Variants in MFAP5 observed in about 807,000 individuals in gnomAD.
The protein encoded by MFAP5 is microfibril associated protein 5, also known as microfibrillar-associated protein 5.
A neutral mutation model predicts 30.1 loss-of-function variants in MFAP5; 19 were observed. The ratio of observed to expected loss-of-function variants is 0.63; its 90% CI spans 0.44 to 0.93. The LOEUF (loss-of-function observed/expected upper bound fraction) is 0.93, where lower values mean the gene tolerates loss of function less well. MFAP5 is among the 40% of genes least tolerant of loss of function. The pLI is 0.00. For missense variants in MFAP5, 210 were observed against 221.3 expected, an observed-to-expected ratio of 0.95 and a Z score of 0.32; for synonymous variants, 92 against 72.9, an observed-to-expected ratio of 1.26 and a Z score of -1.33.
intron 2 of MFAP5, 68 bp from the exon 3 acceptor site, chr12:8,660,966 A>G: frequency 7.7e-7 from 1 of 1,306,980 alleles, no homozygotes; most frequent in South Asian, 1.3e-5. Context: ...CTTTTATGAG[A>G]CAAATCAGAA....
intron 3 of MFAP5, among the ~76,000 whole-genome samples, chr12:8,657,573 T>TC (rs1446121744): frequency 6.9e-6 from 1 of 145,928 alleles, no homozygotes; most frequent in Non-Finnish European, 1.5e-5. Flanking sequence ...TGACTTTTTT[T>TC]TTTTTTTTTT....
At position 8,647,103 on chromosome 12, in the gene MFAP5, C is replaced by G. The variant is rs745517694; in HGVS notation, c.*988G>C. ...TCACTCTTTCGTATTAACTATTAGG[C>G]AAACTTTCTGTCTGCCTATTAAAAT... is the stretch of plus-strand genomic sequence containing the variant. On this transcript the variant is annotated 3_prime_UTR_variant, in exon 10 of 10. Transcript: ENST00000359478. 1 of 152,160 alleles carries G rather than the reference C, an allele frequency of 6.6e-6. No homozygotes were observed. Among genetic ancestry groups the G allele is most frequent in the African/African-American group, 2.4e-5 (1 of 41,452 alleles). The allele number at this position is 152,160 out of a possible 1,614,324, so 9.4% of individuals were successfully genotyped here. A position where few individuals can be genotyped will look rare whatever the true frequency, so the allele number is the denominator to read the frequency against.
intron 9 of MFAP5, chr12:8,648,432 C>T: frequency 1.0e-6 from 1 of 1,001,298 alleles, no homozygotes; most frequent in Non-Finnish European, 1.4e-6. Flanking sequence ...AATTAAAATA[C>T]CTACCTCAAC....
chr12:8,651,849 A>G lies in MFAP5; in HGVS notation c.218-158T>C, dbSNP rs181000685. On this transcript the variant is annotated intron_variant, in intron 6 of 9. Coordinates refer to ENST00000359478, the MANE Select transcript of MFAP5 (RefSeq NM_003480.4). ...AACTTCTAAAAGAAAACCCTTATTG[A>G]GCTGATTTGCTCCACAAAATTGAAG... The G allele has an allele frequency of 2.1e-5, 14 of 656,198 alleles. No individual in the cohort carries two copies. The East Asian group carries it at 3.8e-4, about 18-fold the overall frequency. 40.6% of individuals were successfully genotyped at this position (656,198 alleles called of 1,614,324 possible). A position where few individuals can be genotyped will look rare whatever the true frequency, so the allele number is the denominator to read the frequency against.
rs765045633 is a variant in MFAP5, at chr12:8,659,318, A to T, written c.94+1545T>A. 2.3e-3 allele frequency among the ~76,000 whole-genome samples: 342 copies of T among 151,926 alleles called. 2 individuals carry two copies. Among genetic ancestry groups the T allele is most frequent in the African/African-American group, 7.6e-3 (316 of 41,438 alleles). The stretch of plus-strand genomic sequence containing the variant: ...AGCGAAACTCTGTCTCGAAAAAAAA[A>T]AAAAATAAAAGGGTCTCACTATATT... On this transcript the variant is annotated intron_variant, in intron 3 of 9. Coordinates refer to ENST00000359478, the MANE Select transcript of MFAP5 (RefSeq NM_003480.4).
intron 6 of MFAP5, among the ~76,000 whole-genome samples, chr12:8,653,253 C>G (rs890726066): frequency 2.6e-5 from 4 of 151,964 alleles, no homozygotes; most frequent in Non-Finnish European, 5.9e-5. Context: ...AATCCCCTCT[C>G]CCTTATAGCT....
intron 7 of MFAP5, 141 bp from the exon 8 acceptor site, chr12:8,650,730 C>T (rs1941815119): frequency 1.4e-6 from 1 of 717,692 alleles, no homozygotes; most frequent in Non-Finnish European, 2.3e-6. Context: ...AATTGGGCTA[C>T]ATCCTTTCCG....
At position 8,662,145 on chromosome 12, in the gene MFAP5, A is replaced by C. The variant is rs139121743; in HGVS notation, c.-2-39T>G. Reference sequence around the variant, plus strand: ...GGGCATAGCAGAGAATGTGATGCTCAGAGGCACATCAGCATTTCAGTGCCA... The same window carrying C: ...GGGCATAGCAGAGAATGTGATGCTCCGAGGCACATCAGCATTTCAGTGCCA... On this transcript the variant is annotated intron_variant, in intron 1 of 9. Coordinates refer to ENST00000359478, the MANE Select transcript of MFAP5 (RefSeq NM_003480.4). 8.7e-5 allele frequency: 137 copies of C among 1,572,500 alleles called. No homozygotes were observed. The East Asian group carries it at 3.1e-3, about 35-fold the overall frequency.
At chr12:8,654,682 G>C (rs1195560361) in intron 5 of MFAP5, among the ~76,000 whole-genome samples, 4 of 151,948 alleles carry the variant, frequency 2.6e-5, no homozygotes, top group Non-Finnish European at 5.9e-5. Flanking sequence ...GCAGTGGCTC[G>C]CACCTGTAAT....
intron 3 of MFAP5, among the ~76,000 whole-genome samples, chr12:8,659,253 A>G (rs1238526568): frequency 2.0e-5 from 3 of 151,646 alleles, no homozygotes; most frequent in Non-Finnish European, 4.4e-5. Context: ...GGTTGCAGTG[A>G]GCCGAGATCG....
intron 3 of MFAP5, among the ~76,000 whole-genome samples, chr12:8,657,412 C>T (rs1942032308): frequency 6.6e-6 from 1 of 151,364 alleles, no homozygotes; most frequent in Non-Finnish European, 1.5e-5. Flanking sequence ...AGAGAGAAAC[C>T]CTATCTCAAA....
intron 6 of MFAP5, 121 bp downstream of exon 6, chr12:8,654,316 G>T: frequency 1.1e-6 from 1 of 904,534 alleles, no homozygotes; most frequent in Non-Finnish European, 1.7e-6. Flanking sequence ...GGAAATATGT[G>T]CTCCATAAAC....
At chr12:8,656,669 T>TATA (rs1491574935) in intron 3 of MFAP5, among the ~76,000 whole-genome samples, 2 of 86,644 alleles carry the variant, frequency 2.3e-5, no homozygotes, top group African/African-American at 5.6e-5. Flanking sequence ...TATATATATA[T>TATA]TTTTTTTTTT....
chr12:8,656,227 A>AT (rs1265693405), intron 3 of MFAP5, among the ~76,000 whole-genome samples: 1 of 151,114 alleles, frequency 6.6e-6, no homozygotes, highest in Non-Finnish European at 1.5e-5. Context: ...CGCCCGGCTA[A>AT]TTTTTTGTAT....
chr12:8,662,187 AG>A, intron 1 of MFAP5, 81 bp from the exon 2 acceptor site: 1 of 1,186,656 alleles, frequency 8.4e-7, no homozygotes, highest in Non-Finnish European at 1.2e-6. Context: ...GATGCCTCTG[AG>A]GTCCCTGTCT....
At chr12:8,656,198 C>T (rs940246825) in intron 3 of MFAP5, among the ~76,000 whole-genome samples, 68 of 149,364 alleles carry the variant, frequency 4.6e-4, no homozygotes, top group Non-Finnish European at 7.9e-4. Context: ...GTAGCTGGGA[C>T]TACAGGCGCC....
intron 8 of MFAP5, among the ~76,000 whole-genome samples, chr12:8,649,794 T>C (rs1301376339): frequency 6.6e-6 from 1 of 152,232 alleles, no homozygotes; most frequent in Non-Finnish European, 1.5e-5. Context: ...TTAAATTTTA[T>C]TTCAATAGTT....
Position 8,647,259 on chromosome 12 carries a change from A to G in MFAP5, c.*832T>C, listed in dbSNP as rs980003688. On this transcript the variant is annotated 3_prime_UTR_variant, in exon 10 of 10. Transcript: ENST00000359478. ...ACTCAAGGAAACGTCAACCAATGGT[A>G]TGATTTCACATTAAGTTGTCTAATT... 4.6e-5 allele frequency: 7 copies of G among 152,358 alleles called. No individual in the cohort carries two copies. Among genetic ancestry groups the G allele is most frequent in the South Asian group, 2.1e-4 (1 of 4,828 alleles). 9.4% of individuals were successfully genotyped at this position (152,358 alleles called of 1,614,324 possible). A position where few individuals can be genotyped will look rare whatever the true frequency, so the allele number is the denominator to read the frequency against.
In MFAP5 at chr12:8,654,480, A is replaced by G; in HGVS notation, c.174T>C (p.Val58=). The change falls in exon 6 of 10, where the codon GTT becomes GTC. Residue 58 remains valine (V), a splice_region_variant and synonymous_variant. Coordinates refer to ENST00000359478, the MANE Select transcript of MFAP5 (RefSeq NM_003480.4). ...LVNDPATDET[V]LAVLADIAPS... ...GTGCAATATCAGCCAAAACAGCCAAAACTGAAAAGGCACAAAACAGCAGGT... is the reference window on the plus strand; with the variant it reads ...GTGCAATATCAGCCAAAACAGCCAAGACTGAAAAGGCACAAAACAGCAGGT... 6.2e-7 allele frequency: 1 copy of G among 1,603,794 alleles called. No individual in the cohort carries two copies. Among genetic ancestry groups the G allele is most frequent in the South Asian group, 1.1e-5 (1 of 88,634 alleles).
Sources: allele counts gnomAD v4.1 joint callset (sites outside exome capture counted in the v4.1 genomes callset), GRCh38; gene constraint gnomAD v4.1.1; transcripts MANE v1.5; gene names NCBI Gene and HGNC (gene_info 2026-07-23, HGNC 2026-07-21).